ZDHHC6: variants seen among roughly 807,000 people sequenced by gnomAD.
ZDHHC6 encodes palmitoyltransferase ZDHHC6.
A neutral mutation model predicts 57.8 loss-of-function variants in ZDHHC6; 32 were observed. The observed-to-expected ratio is 0.55, with a 90% CI of 0.42 to 0.74. ZDHHC6 has a LOEUF of 0.74. Ranked by LOEUF, ZDHHC6 falls within the 30% of genes least tolerant of loss-of-function variation. ZDHHC6 has a pLI of 0.00. For missense variants in ZDHHC6, 433 were observed against 500.7 expected (o/e 0.86, Z 1.29); for synonymous variants, 128 against 158.0 (o/e 0.81, Z 1.42).
At chr10:112,442,564 TTC>T (rs1272049222) in intron 3 of ZDHHC6, among the ~76,000 whole-genome samples, 1 of 152,202 alleles carries the variant, frequency 6.6e-6, no homozygotes, top group East Asian at 1.9e-4. Context: ...AGGGCAGGCT[TTC>T]TAACAGCTTC....
At chr10:112,435,074 T>C (rs757790836) in intron 6 of ZDHHC6, among the ~76,000 whole-genome samples, 1 of 152,216 alleles carries the variant, frequency 6.6e-6, no homozygotes, top group Non-Finnish European at 1.5e-5. Context: ...ATCACACATG[T>C]ACACATAACT....
chr10:112,444,207 C>T (rs911973884), intron 2 of ZDHHC6, among the ~76,000 whole-genome samples: 1 of 152,178 alleles, frequency 6.6e-6, no homozygotes, highest in African/African-American at 2.4e-5. Context: ...TTTCAGCTGT[C>T]TCTGCCCTAC....
downstream of ZDHHC6, chr10:112,430,173 T>A (rs547712183): frequency 7.2e-5 from 11 of 152,450 alleles, no homozygotes; most frequent in East Asian, 2.1e-3. Flanking sequence ...TTGAAGCAAG[T>A]GTGTCATGTC....
At chr10:112,447,118 T>C, upstream of ZDHHC6, 1 of 502,468 alleles carries the variant, frequency 2.0e-6, no homozygotes, top group South Asian at 2.5e-5. Context: ...GAGGCACTAA[T>C]TGGGGCGCTT....
intron 2 of ZDHHC6, 107 bp downstream of exon 2, chr10:112,445,063 G>A (rs1343392806): frequency 7.7e-7 from 1 of 1,302,918 alleles, no homozygotes; most frequent in Non-Finnish European, 1.0e-6. Context: ...CTTAGTCTCT[G>A]TGAGGACAAA....
In ZDHHC6 at chr10:112,443,669, C is replaced by T. The variant is rs113235536; in HGVS notation, c.268-63G>A. 231 of 1,343,050 alleles carry T rather than the reference C, an allele frequency of 1.7e-4. 1 individual carries two copies. The highest frequency in any genetic ancestry group is 3.6e-4 in the Middle Eastern group (2 of 5,498). 83.2% of individuals were successfully genotyped at this position (1,343,050 alleles called of 1,614,324 possible). A position where few individuals can be genotyped will look rare whatever the true frequency, so the allele number is the denominator to read the frequency against. On this transcript the variant is annotated intron_variant, in intron 2 of 10. Coordinates refer to ENST00000369405, the MANE Select transcript of ZDHHC6 (RefSeq NM_022494.3). ...TACTTGAATATAAGTATGATTCCTA[C>T]GGTATGATTTTCTTTTATGGGCGAT... is the stretch of plus-strand genomic sequence containing the variant.
intron 6 of ZDHHC6, among the ~76,000 whole-genome samples, chr10:112,437,219 G>T (rs1427236092): frequency 6.6e-6 from 1 of 151,878 alleles, no homozygotes; most frequent in Non-Finnish European, 1.5e-5. Flanking sequence ...TCATAAAAAT[G>T]ATATATTGAT....
chr10:112,431,224 T>C (rs1347358369), intron 10 of ZDHHC6, among the ~76,000 whole-genome samples: 1 of 152,216 alleles, frequency 6.6e-6, no homozygotes, highest in African/African-American at 2.4e-5. Context: ...AAAGGTGTTT[T>C]TGGCACACCA....
downstream of ZDHHC6, among the ~76,000 whole-genome samples, chr10:112,429,340 TTTG>T (rs1844858682): frequency 2.6e-5 from 4 of 152,222 alleles, no homozygotes; most frequent in Non-Finnish European, 5.9e-5. Context: ...CCAGCCTGTT[TTTG>T]TTCTTGCTGC....
chr10:112,447,045 G>A, upstream of ZDHHC6: 1 of 297,690 alleles, frequency 3.4e-6, no homozygotes, highest in Non-Finnish European at 6.5e-6. Context: ...GAACACGAAG[G>A]GGGGAAAAAA....
Position 112,443,554 on chromosome 10 carries a change from T to C in ZDHHC6, c.320A>G (p.Tyr107Cys). ...GCAGTGATGTGAACGTGGTGCCTTG[T>C]ATGCTTGGCAGACTTTACAATACTG... ...YLQYCKVCQAYKAPRSHHCRK... is the reference protein window; with the variant it reads ...YLQYCKVCQACKAPRSHHCRK... Residue 107 changes from tyrosine (Y) to cysteine (C), a missense_variant, in exon 3 of 11, where the codon TAC becomes TGC. Coordinates refer to ENST00000369405, the MANE Select transcript of ZDHHC6 (RefSeq NM_022494.3). 2.5e-6 allele frequency: 4 copies of C among 1,613,970 alleles called. No homozygotes were observed. The highest frequency in any genetic ancestry group is 3.4e-6 in the Non-Finnish European group (4 of 1,179,896).
At position 112,434,230 on chromosome 10, in the gene ZDHHC6, G is replaced by A. The variant is rs551826477; in HGVS notation, c.903+67C>T. 25 of 1,434,604 alleles carry A rather than the reference G, an allele frequency of 1.7e-5. 1 individual carries two copies. The African/African-American group carries it at 2.4e-4, about 14-fold the overall frequency. 88.9% of individuals were successfully genotyped at this position (1,434,604 alleles called of 1,614,324 possible). On this transcript the variant is annotated intron_variant, in intron 7 of 10. Coordinates refer to ENST00000369405, the MANE Select transcript of ZDHHC6 (RefSeq NM_022494.3). Reference sequence around the variant, plus strand: ...TATTTTACTACAAAATGTCACTTGAGTTGAGGGGGAGTTAAGGGAAAGAAG... The same window carrying A: ...TATTTTACTACAAAATGTCACTTGAATTGAGGGGGAGTTAAGGGAAAGAAG...
At chr10:112,433,889 A>G (rs1845271526) in intron 7 of ZDHHC6, among the ~76,000 whole-genome samples, 1 of 152,134 alleles carries the variant, frequency 6.6e-6, no homozygotes. Context: ...AGATGAGTCT[A>G]TGGGGGTAGG....
chr10:112,437,844 AG>A (rs1258128017), intron 6 of ZDHHC6, among the ~76,000 whole-genome samples: 3 of 152,202 alleles, frequency 2.0e-5, no homozygotes, highest in Admixed American at 1.3e-4. Context: ...GGCTCTGAGA[AG>A]TTTTAAACAC....
intron 4 of ZDHHC6, 146 bp downstream of exon 4, chr10:112,442,046 G>A: frequency 4.5e-6 from 4 of 882,296 alleles, no homozygotes; most frequent in Non-Finnish European, 4.8e-6. Flanking sequence ...TTCTAAAAAG[G>A]AACCCATATA....
chr10:112,445,224 A>G lies in ZDHHC6; in HGVS notation c.213T>C (p.Asn71=). ...LINWTVMILY[N]YFNAMFVGPG... is the part of the protein sequence containing the mutation. ...GACCGACAAACATGGCATTGAAGTA[A>G]TTATAAAGAATCATGACAGTCCAAT... The change falls in exon 2 of 11, where the codon AAT becomes AAC. Residue 71 remains asparagine (N), a synonymous_variant. Coordinates refer to ENST00000369405, the MANE Select transcript of ZDHHC6 (RefSeq NM_022494.3). 6.2e-7 allele frequency: 1 copy of G among 1,614,194 alleles called. No homozygotes were observed.
chr10:112,439,595 T>C (rs1230828181), intron 5 of ZDHHC6, among the ~76,000 whole-genome samples: 3 of 129,266 alleles, frequency 2.3e-5, no homozygotes, highest in Non-Finnish European at 4.6e-5. Context: ...ACGCCATTGT[T>C]CTCTAGCCTG....
intron 2 of ZDHHC6, among the ~76,000 whole-genome samples, chr10:112,444,502 A>T (rs1228469415): frequency 6.6e-6 from 1 of 152,242 alleles, no homozygotes; most frequent in East Asian, 1.9e-4. Context: ...TTTGAATAGT[A>T]CATAGCACAT....
At chr10:112,440,914 C>T (rs991741549) in intron 4 of ZDHHC6, among the ~76,000 whole-genome samples, 1 of 152,202 alleles carries the variant, frequency 6.6e-6, no homozygotes, top group Non-Finnish European at 1.5e-5. Flanking sequence ...GGCACGATCT[C>T]GACTCACTGC....
Sources: gnomAD v4.1 joint callset for allele counts (sites outside exome capture counted in the v4.1 genomes callset) on GRCh38, gnomAD v4.1.1 for gene constraint, MANE v1.5 for transcripts, NCBI Gene and HGNC (gene_info 2026-07-23, HGNC 2026-07-21) for gene names.